Variants in PPM1L observed in about 807,000 individuals in gnomAD.
PPM1L encodes protein phosphatase, Mg2+/Mn2+ dependent 1L.
Under a neutral mutation model 31.4 loss-of-function variants are expected in PPM1L, and 13 were observed. The ratio of observed to expected loss-of-function variants is 0.41; its 90% CI spans 0.27 to 0.66. The LOEUF (loss-of-function observed/expected upper bound fraction) is 0.66, where lower values mean the gene tolerates loss of function less well. Among genes scored for constraint, PPM1L ranks in the 30% least tolerant of loss-of-function variants. The pLI is 0.29. For synonymous variants in PPM1L, 184 were observed against 175.4 expected, an observed-to-expected ratio of 1.05 and a Z score of -0.39; for missense variants, 326 against 453.7, an observed-to-expected ratio of 0.72 and a Z score of 2.56.
At chr3:160,900,717 G>A (rs1209929801) in intron 1 of PPM1L, among the ~76,000 whole-genome samples, 2 of 151,920 alleles carry the variant, frequency 1.3e-5, no homozygotes, top group East Asian at 1.9e-4. Context: ...GTTTTACTGA[G>A]TTCATTGTTC....
chr3:160,890,956 C>T (rs1157271232), intron 1 of PPM1L, among the ~76,000 whole-genome samples: 2 of 152,110 alleles, frequency 1.3e-5, no homozygotes, highest in African/African-American at 2.4e-5. Context: ...CTTCTTTACA[C>T]CTTATACAAA....
chr3:160,862,076 T>C (rs2121720), intron 1 of PPM1L, among the ~76,000 whole-genome samples: 104,780 of 151,988 alleles, frequency 0.69, 36,390 homozygotes, highest in South Asian at 0.74. Flanking sequence ...TGTTAGGGAC[T>C]AGGGCGTGGA....
chr3:160,881,715 G>A (rs1299674880), intron 1 of PPM1L, among the ~76,000 whole-genome samples: 2 of 152,154 alleles, frequency 1.3e-5, no homozygotes, highest in African/African-American at 4.8e-5. Context: ...CTAGTAATGT[G>A]TGTCTTATCT....
chr3:160,787,676 A>T (rs1455429102), intron 1 of PPM1L, among the ~76,000 whole-genome samples: 2 of 151,922 alleles, frequency 1.3e-5, no homozygotes, highest in Non-Finnish European at 2.9e-5. Context: ...CTTTGCCAGG[A>T]CCTATGTCCA....
intron 1 of PPM1L, among the ~76,000 whole-genome samples, chr3:160,802,424 C>A (rs960587037): frequency 2.6e-5 from 4 of 152,156 alleles, no homozygotes; most frequent in African/African-American, 4.8e-5. Flanking sequence ...TGACTCCATG[C>A]AAGTGAGCAA....
chr3:160,964,122 G>C (rs1370627323), intron 2 of PPM1L, among the ~76,000 whole-genome samples: 1 of 152,048 alleles, frequency 6.6e-6, no homozygotes, highest in African/African-American at 2.4e-5. Flanking sequence ...AATGAGAACA[G>C]ATTTGGACCT....
intron 2 of PPM1L, among the ~76,000 whole-genome samples, chr3:161,044,454 T>C (rs919622242): frequency 9.9e-5 from 15 of 151,742 alleles, no homozygotes; most frequent in Non-Finnish European, 2.9e-5. Context: ...AAATTCAAAA[T>C]TTTCTGAGGA....
intron 2 of PPM1L, among the ~76,000 whole-genome samples, chr3:160,982,659 T>G (rs1261763739): frequency 6.6e-6 from 1 of 152,234 alleles, no homozygotes; most frequent in African/African-American, 2.4e-5. Flanking sequence ...GGTTGCCTTT[T>G]GTATTGTGTA....
chr3:160,772,022 A>G (rs1417963266), intron 1 of PPM1L, among the ~76,000 whole-genome samples: 1 of 152,130 alleles, frequency 6.6e-6, no homozygotes, highest in Non-Finnish European at 1.5e-5. Flanking sequence ...ACCTGTTTTT[A>G]TAAATGCCTG....
chr3:160,765,896 T>A (rs1715089985), intron 1 of PPM1L, among the ~76,000 whole-genome samples: 1 of 152,214 alleles, frequency 6.6e-6, no homozygotes, highest in Non-Finnish European at 1.5e-5. Flanking sequence ...TATCATTTTC[T>A]CATTTGTTTA....
At chr3:160,880,222 A>G (rs901784698) in intron 1 of PPM1L, among the ~76,000 whole-genome samples, 1 of 152,204 alleles carries the variant, frequency 6.6e-6, no homozygotes, top group African/African-American at 2.4e-5. Context: ...ATTACCTTAC[A>G]GCATTCACCC....
At chr3:160,858,889 A>G (rs540380976) in intron 1 of PPM1L, among the ~76,000 whole-genome samples, 3 of 152,138 alleles carry the variant, frequency 2.0e-5, no homozygotes, top group Non-Finnish European at 4.4e-5. Context: ...CTGTACTTGA[A>G]AAAGTTCCTA....
intron 1 of PPM1L, among the ~76,000 whole-genome samples, chr3:160,951,181 C>G (rs146359709): frequency 2.0e-5 from 3 of 152,122 alleles, no homozygotes; most frequent in Admixed American, 2.0e-4. Context: ...TGAGAAAGTC[C>G]GACATTAGGC....
intron 1 of PPM1L, among the ~76,000 whole-genome samples, chr3:160,796,807 T>G (rs945428227): frequency 6.6e-6 from 1 of 152,204 alleles, no homozygotes; most frequent in Non-Finnish European, 1.5e-5. Flanking sequence ...AGAGATAATG[T>G]GCTTTATCAG....
At chr3:160,917,235 G>A (rs1289637669) in intron 1 of PPM1L, among the ~76,000 whole-genome samples, 3 of 152,152 alleles carry the variant, frequency 2.0e-5, no homozygotes, top group African/African-American at 7.2e-5. Context: ...GACAAATTTG[G>A]TCTCATAATT....
At chr3:160,931,109 T>A (rs1380435081) in intron 1 of PPM1L, among the ~76,000 whole-genome samples, 1 of 152,186 alleles carries the variant, frequency 6.6e-6, no homozygotes, top group African/African-American at 2.4e-5. Flanking sequence ...ATTAAGACAG[T>A]AGGGGACAAA....
chr3:160,914,518 C>T (rs1359593103), intron 1 of PPM1L, among the ~76,000 whole-genome samples: 3 of 149,200 alleles, frequency 2.0e-5, no homozygotes, highest in African/African-American at 7.4e-5. Context: ...CAATTCCCAC[C>T]TATGAGTGAG....
chr3:160,843,574 G>A (rs534033288), intron 1 of PPM1L, among the ~76,000 whole-genome samples: 20 of 150,198 alleles, frequency 1.3e-4, no homozygotes, highest in African/African-American at 3.2e-4. Flanking sequence ...CCATTAACTC[G>A]TCATTTACAT....
chr3:160,980,998 G>T (rs954669009), intron 2 of PPM1L, among the ~76,000 whole-genome samples: 4 of 152,030 alleles, frequency 2.6e-5, no homozygotes, highest in Admixed American at 2.0e-4. Context: ...TATTATACTT[G>T]GCACAAATTA....
Sources: gnomAD v4.1 joint callset for allele counts (sites outside exome capture counted in the v4.1 genomes callset) on GRCh38, gnomAD v4.1.1 for gene constraint, MANE v1.5 for transcripts, NCBI Gene and HGNC (gene_info 2026-07-23, HGNC 2026-07-21) for gene names.